Variants in PLPP1 observed in about 807,000 individuals in gnomAD.
PLPP1 encodes lipid phosphate phosphohydrolase 1a.
Under a neutral mutation model 31.2 loss-of-function variants are expected in PLPP1, and 24 were observed. The observed-to-expected ratio is 0.77, with a 90% CI of 0.56 to 1.08. The LOEUF is 1.08. Among genes scored for constraint, PLPP1 ranks in the 50% least tolerant of loss-of-function variants. PLPP1 has a pLI of 0.00. For missense variants in PLPP1, 319 were observed against 342.7 expected, an observed-to-expected ratio of 0.93 and a Z score of 0.55; for synonymous variants, 146 against 126.3, an observed-to-expected ratio of 1.16 and a Z score of -1.05.
intron 3 of PLPP1, among the ~76,000 whole-genome samples, chr5:55,453,926 G>GT (rs1751948219): frequency 6.6e-6 from 1 of 152,008 alleles, no homozygotes; most frequent in Admixed American, 6.6e-5. Context: ...GGCCAACAGA[G>GT]CAAGACTCTG....
At position 55,534,921 on chromosome 5, in the gene PLPP1, G is replaced by C. The variant is rs1056054960; in HGVS notation, c.-292C>G. On this transcript the variant is annotated 5_prime_UTR_variant, in exon 1 of 6. Transcript: ENST00000307259. Reference sequence around the variant, plus strand: ...CCTCAGGACCTCCTCAGCCGGCACGGCCTGCCCCGGTTGCTCCCCGTCCGG... The same window carrying C: ...CCTCAGGACCTCCTCAGCCGGCACGCCCTGCCCCGGTTGCTCCCCGTCCGG... The C allele has an allele frequency of 7.2e-6, 3 of 419,078 alleles. No individual in the cohort carries two copies. The East Asian group carries it at 1.3e-4, about 18-fold the overall frequency. 26.0% of individuals were successfully genotyped at this position (419,078 alleles called of 1,614,324 possible). A position where few individuals can be genotyped will look rare whatever the true frequency, so the allele number is the denominator to read the frequency against.
chr5:55,425,774 AGCTG>A (rs1370612834), intron 5 of PLPP1, 85 bp downstream of exon 5: 17 of 1,239,230 alleles, frequency 1.4e-5, no homozygotes, highest in Non-Finnish European at 1.7e-5. Context: ...TCTTCTCCTC[AGCTG>A]GGGATTTTTT....
chr5:55,443,192 A>AAAAATATATATATATATAT, intron 3 of PLPP1, among the ~76,000 whole-genome samples: 13 of 25,434 alleles, frequency 5.1e-4, no homozygotes, highest in Admixed American at 7.8e-4. Context: ...AAAAAAAAAA[A>AAAAATATATATATATATAT]ATATATATAT....
intron 1 of PLPP1, among the ~76,000 whole-genome samples, chr5:55,488,332 G>A (rs1167196724): frequency 6.6e-6 from 1 of 151,836 alleles, no homozygotes. Context: ...AATCTGTGGT[G>A]TGCTCATAAT....
At chr5:55,466,503 G>A (rs563858455) in intron 3 of PLPP1, among the ~76,000 whole-genome samples, 7 of 152,186 alleles carry the variant, frequency 4.6e-5, no homozygotes, top group African/African-American at 1.7e-4. Flanking sequence ...AGGAGTTTGA[G>A]ACCAGCCTGG....
intron 1 of PLPP1, among the ~76,000 whole-genome samples, chr5:55,515,491 T>G (rs1056557909): frequency 1.3e-5 from 2 of 152,236 alleles, no homozygotes; most frequent in Non-Finnish European, 1.5e-5. Flanking sequence ...TTCTCCCTTC[T>G]TCCTCAATCC....
intron 1 of PLPP1, among the ~76,000 whole-genome samples, chr5:55,489,681 G>A (rs750274675): frequency 3.9e-5 from 6 of 152,040 alleles, no homozygotes; most frequent in Non-Finnish European, 8.8e-5. Context: ...AGATACATAA[G>A]CTGAAAAAAC....
At chr5:55,488,059 C>G (rs1287178671) in intron 1 of PLPP1, among the ~76,000 whole-genome samples, 1 of 151,462 alleles carries the variant, frequency 6.6e-6, no homozygotes, top group Non-Finnish European at 1.5e-5. Flanking sequence ...GGCAACAGGA[C>G]AAGACTCCGT....
At chr5:55,430,144 C>T (rs1343948570) in intron 4 of PLPP1, among the ~76,000 whole-genome samples, 1 of 152,202 alleles carries the variant, frequency 6.6e-6, no homozygotes, top group Non-Finnish European at 1.5e-5. Flanking sequence ...GTCACCACCA[C>T]CACCAGCGCA....
chr5:55,526,698 C>T (rs1221941897), intron 1 of PLPP1, among the ~76,000 whole-genome samples: 4 of 151,966 alleles, frequency 2.6e-5, no homozygotes, highest in East Asian at 1.9e-4. Flanking sequence ...TTTGGGAGGC[C>T]GAGGTGGGCG....
At chr5:55,491,948 G>C (rs989680991) in intron 1 of PLPP1, among the ~76,000 whole-genome samples, 2 of 135,398 alleles carry the variant, frequency 1.5e-5, no homozygotes, top group African/African-American at 5.3e-5. Flanking sequence ...AATAAAAATA[G>C]AAAGAAAAAG....
intron 3 of PLPP1, among the ~76,000 whole-genome samples, chr5:55,464,256 G>T (rs1428317404): frequency 1.5e-5 from 2 of 134,330 alleles, no homozygotes; most frequent in African/African-American, 5.6e-5. Flanking sequence ...TTTTTTTTAA[G>T]AAGCAGTCTT....
intron 3 of PLPP1, among the ~76,000 whole-genome samples, chr5:55,455,154 C>G (rs964219588): frequency 1.3e-5 from 2 of 151,948 alleles, no homozygotes; most frequent in Non-Finnish European, 2.9e-5. Flanking sequence ...TTCATACAGC[C>G]AGAGATCAGT....
At chr5:55,518,749 C>T (rs1008044011) in intron 1 of PLPP1, among the ~76,000 whole-genome samples, 4 of 152,152 alleles carry the variant, frequency 2.6e-5, no homozygotes, top group Non-Finnish European at 5.9e-5. Flanking sequence ...TGTCTTACTA[C>T]CTGAATCCAT....
intron 1 of PLPP1, among the ~76,000 whole-genome samples, chr5:55,480,722 G>T (rs1175671178): frequency 4.6e-5 from 7 of 152,024 alleles, no homozygotes. Context: ...TTCCAGTTTT[G>T]TGCTATTATG....
At chr5:55,520,519 T>C (rs570418678) in intron 1 of PLPP1, among the ~76,000 whole-genome samples, 4 of 152,316 alleles carry the variant, frequency 2.6e-5, no homozygotes, top group South Asian at 4.1e-4. Flanking sequence ...ACATACATTG[T>C]CTCATGCATT....
chr5:55,526,565 A>T (rs185871151), intron 1 of PLPP1, among the ~76,000 whole-genome samples: 3 of 152,216 alleles, frequency 2.0e-5, no homozygotes, highest in Non-Finnish European at 2.9e-5. Flanking sequence ...GAATAGAGAA[A>T]AACAACAACA....
At position 55,475,494 on chromosome 5, in the gene PLPP1, T is replaced by A. The variant is rs1258129253; in HGVS notation, c.59-44A>T. ...TGAAAATATCATTAAAAAAGAAATA[T>A]CAAAACTAATTAATGGCAATAATTA... is the stretch of plus-strand genomic sequence containing the variant. On this transcript the variant is annotated intron_variant, in intron 1 of 5. Coordinates refer to ENST00000307259, the MANE Select transcript of PLPP1 (RefSeq NM_003711.4). The A allele has an allele frequency of 3.3e-6, 5 of 1,498,950 alleles. No individual in the cohort carries two copies. The African/African-American group carries it at 7.0e-5, about 21-fold the overall frequency. 92.9% of individuals were successfully genotyped at this position (1,498,950 alleles called of 1,614,324 possible). A position where few individuals can be genotyped will look rare whatever the true frequency, so the allele number is the denominator to read the frequency against.
At chr5:55,528,275 T>C (rs1157107445) in intron 1 of PLPP1, among the ~76,000 whole-genome samples, 1 of 152,108 alleles carries the variant, frequency 6.6e-6, no homozygotes, top group Non-Finnish European at 1.5e-5. Context: ...CCTTTCTGCG[T>C]CTCTAAGAGT....
Sources: gnomAD v4.1 joint callset for allele counts (sites outside exome capture counted in the v4.1 genomes callset) on GRCh38, gnomAD v4.1.1 for gene constraint, MANE v1.5 for transcripts, NCBI Gene and HGNC (gene_info 2026-07-23, HGNC 2026-07-21) for gene names.